Variants in GRID1 observed in about 807,000 individuals in gnomAD.
GRID1 encodes the protein glutamate ionotropic receptor delta type subunit 1.
Under a neutral mutation model 98.0 loss-of-function variants are expected in GRID1, and 28 were observed. The ratio of observed to expected loss-of-function variants is 0.29; its 90% CI spans 0.21 to 0.39. The LOEUF is 0.39. Among genes scored for constraint, GRID1 ranks in the 10% least tolerant of loss-of-function variants. GRID1 has a pLI of 1.00. For synonymous variants in GRID1, 553 were observed against 538.5 expected (o/e 1.03, Z -0.37); for missense variants, 1,111 against 1,340.5 (o/e 0.83, Z 2.67).
chr10:85,686,728 C>A (rs948310521), intron 12 of GRID1, among the ~76,000 whole-genome samples: 2 of 151,656 alleles, frequency 1.3e-5, no homozygotes, highest in African/African-American at 4.8e-5. Flanking sequence ...TTAAAATAAT[C>A]CTATATTTTA....
chr10:86,265,517 G>A lies in GRID1; in HGVS notation c.236-58869C>T, dbSNP rs554688187. Among the ~76,000 whole-genome samples, 20 of 152,354 alleles carry A rather than the reference G, an allele frequency of 1.3e-4. No homozygotes were observed. In the South Asian group the frequency reaches 4.1e-3, roughly 32 times the overall value. ...GCCCAGCGTGGATTTGAATCCAGAT[G>A]TGTCTGAATCCAGAGCCCCAGGTCT... On this transcript the variant is annotated intron_variant, in intron 2 of 15. Coordinates refer to ENST00000327946, the MANE Select transcript of GRID1 (RefSeq NM_017551.3).
intron 12 of GRID1, among the ~76,000 whole-genome samples, chr10:85,696,012 T>C (rs760433947): frequency 2.6e-5 from 4 of 152,150 alleles, no homozygotes; most frequent in Non-Finnish European, 4.4e-5. Context: ...TGAGCTAAGC[T>C]TTATCTTGAA....
intron 8 of GRID1, among the ~76,000 whole-genome samples, chr10:85,753,414 A>G (rs1448779473): frequency 6.6e-6 from 1 of 152,200 alleles, no homozygotes; most frequent in Non-Finnish European, 1.5e-5. Context: ...TAAAGAGATG[A>G]CAAGCCACTT....
chr10:86,065,570 CT>C (rs1377998593), intron 4 of GRID1, among the ~76,000 whole-genome samples: 1 of 152,240 alleles, frequency 6.6e-6, no homozygotes, highest in African/African-American at 2.4e-5. Context: ...CCAGTGGGAT[CT>C]TTTGGGGCAG....
At position 86,287,050 on chromosome 10, in the gene GRID1, G is replaced by C. The variant is rs577418609; in HGVS notation, c.235+76891C>G. On this transcript the variant is annotated intron_variant, in intron 2 of 15. Coordinates refer to ENST00000327946, the MANE Select transcript of GRID1 (RefSeq NM_017551.3). ...CCAGGCAGTTCCGTAGGGACTTGAG[G>C]AGCACAGCAGAGCAGGACCCTAAAG... Among the ~76,000 whole-genome samples, 3 of 152,334 alleles carry C rather than the reference G, an allele frequency of 2.0e-5. No homozygotes were observed. In the East Asian group the frequency reaches 5.8e-4, roughly 29 times the overall value.
At chr10:85,837,120 C>T (rs948815410) in intron 8 of GRID1, among the ~76,000 whole-genome samples, 2 of 152,060 alleles carry the variant, frequency 1.3e-5, no homozygotes, top group Non-Finnish European at 2.9e-5. Flanking sequence ...GCAGACAGAG[C>T]CTTCGTGGCA....
intron 3 of GRID1, among the ~76,000 whole-genome samples, chr10:86,141,999 G>A (rs983079348): frequency 1.3e-5 from 2 of 152,252 alleles, no homozygotes; most frequent in African/African-American, 4.8e-5. Context: ...TTGACTATGG[G>A]ACAGTAGTAA....
intron 4 of GRID1, among the ~76,000 whole-genome samples, chr10:86,103,744 G>A (rs994296438): frequency 3.9e-4 from 59 of 152,316 alleles, no homozygotes; most frequent in African/African-American, 1.4e-3. Context: ...TGTACCTCAA[G>A]GGTAGCAAGG....
intron 12 of GRID1, among the ~76,000 whole-genome samples, chr10:85,693,512 C>T (rs1251743250): frequency 6.6e-6 from 1 of 151,786 alleles, no homozygotes; most frequent in Non-Finnish European, 1.5e-5. Context: ...AACAAATGTG[C>T]TACACAAAGA....
Position 86,128,518 on chromosome 10 carries a change from T to G in GRID1, c.726+10301A>C, listed in dbSNP as rs74707497. ...CCCCCTGACACTGCTCACAGCATAC[T>G]TTGGTGATAGTGCAGATATGTGAGT... On this transcript the variant is annotated intron_variant, in intron 4 of 15. Coordinates refer to ENST00000327946, the MANE Select transcript of GRID1 (RefSeq NM_017551.3). Among the ~76,000 whole-genome samples, 1,129 of 152,306 alleles carry G rather than the reference T, an allele frequency of 7.4e-3. 24 individuals carry two copies. Among genetic ancestry groups the G allele is most frequent in the African/African-American group, 0.026 (1,081 of 41,556 alleles).
intron 4 of GRID1, among the ~76,000 whole-genome samples, chr10:86,064,493 G>C (rs1287854703): frequency 6.6e-6 from 1 of 152,226 alleles, no homozygotes; most frequent in African/African-American, 2.4e-5. Flanking sequence ...ATGGCTCCCT[G>C]AGGGCACAGT....
chr10:86,326,657 G>A lies in GRID1; in HGVS notation c.235+37284C>T, dbSNP rs1191938158. On this transcript the variant is annotated intron_variant, in intron 2 of 15. Transcript: ENST00000327946. ...AAGCAATGGAGTACTGTTGGACCAAGCAAATGGTGCCAGGTTGCAATAATC... is the reference window on the plus strand; with the variant it reads ...AAGCAATGGAGTACTGTTGGACCAAACAAATGGTGCCAGGTTGCAATAATC... Among the ~76,000 whole-genome samples, 3 of 152,186 alleles carry A rather than the reference G, an allele frequency of 2.0e-5. 1 individual carries two copies. The highest frequency in any genetic ancestry group is 4.4e-5 in the Non-Finnish European group (3 of 68,040).
intron 12 of GRID1, among the ~76,000 whole-genome samples, chr10:85,664,079 T>C (rs1461275783): frequency 2.0e-5 from 3 of 152,168 alleles, no homozygotes; most frequent in Admixed American, 6.5e-5. Context: ...TCACTCAATG[T>C]TGATGTGCAG....
chr10:85,908,403 C>T (rs2177604), intron 5 of GRID1, among the ~76,000 whole-genome samples: 54,880 of 151,936 alleles, frequency 0.36, 10,886 homozygotes, highest in African/African-American at 0.52. Context: ...CAATGAACAA[C>T]TGGAAATTAA....
chr10:85,840,681 T>C (rs11817740), intron 8 of GRID1, among the ~76,000 whole-genome samples: 41,646 of 152,038 alleles, frequency 0.27, 5,933 homozygotes, highest in African/African-American at 0.34. Flanking sequence ...ACTAGCATTC[T>C]TATACATCAA....
At chr10:86,052,592 C>T (rs1554849580) in intron 4 of GRID1, 1 of 151,616 alleles carries the variant, frequency 6.6e-6, no homozygotes, top group Non-Finnish European at 1.5e-5. Flanking sequence ...CAGATAGATA[C>T]ATATGTTTAA....
At chr10:85,739,036 G>A (rs975235036) in intron 8 of GRID1, among the ~76,000 whole-genome samples, 16 of 152,058 alleles carry the variant, frequency 1.1e-4, no homozygotes, top group Admixed American at 6.6e-4. Flanking sequence ...ATACAAGTAT[G>A]TGCAATAAAT....
intron 8 of GRID1, among the ~76,000 whole-genome samples, chr10:85,839,948 A>C (rs1349885071): frequency 6.6e-6 from 1 of 152,214 alleles, no homozygotes; most frequent in Non-Finnish European, 1.5e-5. Context: ...ACAGAAATAC[A>C]AACAACCATC....
chr10:85,777,679 T>TAA (rs1168154875), intron 8 of GRID1, among the ~76,000 whole-genome samples: 1 of 152,232 alleles, frequency 6.6e-6, no homozygotes, highest in African/African-American at 2.4e-5. Context: ...TTTTGCCTAC[T>TAA]AAAGAGACTT....
Sources: allele counts gnomAD v4.1 joint callset (sites outside exome capture counted in the v4.1 genomes callset), GRCh38; gene constraint gnomAD v4.1.1; transcripts MANE v1.5; gene names NCBI Gene and HGNC (gene_info 2026-07-23, HGNC 2026-07-21).